Variants in HADHA observed in about 807,000 individuals in gnomAD.
HADHA encodes the protein trifunctional enzyme subunit alpha, mitochondrial.
In HADHA, 59 loss-of-function variants were observed where a neutral mutation model predicts 91.3. The observed-to-expected ratio is 0.65, with a 90% CI of 0.52 to 0.80. The LOEUF (loss-of-function observed/expected upper bound fraction) is 0.80, where lower values mean the gene tolerates loss of function less well. HADHA is among the 30% of genes least tolerant of loss of function. HADHA has a pLI of 0.00. For missense variants in HADHA, 800 were observed against 927.6 expected (o/e 0.86, Z 1.79); for synonymous variants, 320 against 338.9 (o/e 0.94, Z 0.61).
At chr2:26,218,407 C>G (rs538949711) in intron 7 of HADHA, among the ~76,000 whole-genome samples, 1 of 152,032 alleles carries the variant, frequency 6.6e-6, no homozygotes, top group East Asian at 1.9e-4. Flanking sequence ...AAGAACAGAC[C>G]TACACTACAG....
intron 4 of HADHA, among the ~76,000 whole-genome samples, chr2:26,236,359 G>GTATATATA (rs34905439): frequency 3.6e-5 from 5 of 137,872 alleles, no homozygotes; most frequent in African/African-American, 8.1e-5. Context: ...GTGTGTGTGT[G>GTATATATA]TATATATATA....
At chr2:26,226,184 AT>A (rs1670480257) in intron 7 of HADHA, among the ~76,000 whole-genome samples, 1 of 152,250 alleles carries the variant, frequency 6.6e-6, no homozygotes, top group Non-Finnish European at 1.5e-5. Context: ...AAAGACCTAA[AT>A]AAACAGAGAA....
rs72849906 is a variant in HADHA at position 26,229,174 on chromosome 2, T to G, written c.676+1018A>C. ...GGAAAACAGAGTGAGATCTCGTTTCTACAAAAAATAAAAAATTAGCTGGTG... is the reference window on the plus strand; with the variant it reads ...GGAAAACAGAGTGAGATCTCGTTTCGACAAAAAATAAAAAATTAGCTGGTG... On this transcript the variant is annotated intron_variant, in intron 7 of 19. Coordinates refer to ENST00000380649, the MANE Select transcript of HADHA (RefSeq NM_000182.5). This position sits in a 1 kb window ranked among gnomAD's most constrained non-coding sequence, Gnocchi z 4.3. Among the ~76,000 whole-genome samples, 820 of 152,030 alleles carry G rather than the reference T, an allele frequency of 5.4e-3. 6 individuals carry two copies. Among genetic ancestry groups the G allele is most frequent in the African/African-American group, 0.019 (795 of 41,468 alleles).
At chr2:26,203,709 T>C (rs994473916) in intron 12 of HADHA, among the ~76,000 whole-genome samples, 3 of 152,158 alleles carry the variant, frequency 2.0e-5, no homozygotes, top group African/African-American at 4.8e-5. Context: ...AATAGAGCAA[T>C]TACCTGCAAA....
Position 26,193,993 on chromosome 2 carries a change from G to A in HADHA, c.1690-221C>T, listed in dbSNP as rs80138326. Among the ~76,000 whole-genome samples the A allele has an allele frequency of 0.015, 2,335 of 152,272 alleles. 59 individuals are homozygous for A. The highest frequency in any genetic ancestry group is 0.051 in the African/African-American group (2,125 of 41,548). The stretch of plus-strand genomic sequence containing the variant: ...CTCTAATCTACAGCACTTTAAGGAC[G>A]TTTAGAGATGACTAAATTCTTCATT... On this transcript the variant is annotated intron_variant, in intron 16 of 19. Coordinates refer to ENST00000380649, the MANE Select transcript of HADHA (RefSeq NM_000182.5).
intron 10 of HADHA, 47 bp from the exon 11 acceptor site, chr2:26,209,936 G>T: frequency 1.0e-6 from 1 of 969,560 alleles, no homozygotes; most frequent in Non-Finnish European, 1.7e-6. Flanking sequence ...CACAGTCTAG[G>T]TTATATGGAT....
intron 6 of HADHA, among the ~76,000 whole-genome samples, chr2:26,231,166 A>G (rs1381708531): frequency 1.3e-5 from 2 of 152,226 alleles, no homozygotes; most frequent in Non-Finnish European, 2.9e-5. Flanking sequence ...ATGCATATTC[A>G]TTCTTTCAAT....
chr2:26,212,714 T>C lies in HADHA; in HGVS notation c.919-88A>G, dbSNP rs1670132371. On this transcript the variant is annotated intron_variant, in intron 9 of 19. Coordinates refer to ENST00000380649, the MANE Select transcript of HADHA (RefSeq NM_000182.5). ...TGAATAAAATTGCCAGTGTTGTTAG[T>C]CCTCAAAGAGTAAGTCAAAAGTCTA... 5.7e-6 allele frequency: 5 copies of C among 875,482 alleles called. No individual in the cohort carries two copies. The Admixed American group carries it at 6.8e-5, about 12-fold the overall frequency. 54.2% of individuals were successfully genotyped at this position (875,482 alleles called of 1,614,324 possible).
At chr2:26,220,139 G>A (rs1019466350) in intron 7 of HADHA, among the ~76,000 whole-genome samples, 7 of 152,130 alleles carry the variant, frequency 4.6e-5, no homozygotes, top group Non-Finnish European at 8.8e-5. Flanking sequence ...CCCAAACTTC[G>A]CTGTGGTCCA....
intron 11 of HADHA, among the ~76,000 whole-genome samples, chr2:26,205,856 T>C (rs552451469): frequency 1.3e-5 from 2 of 151,318 alleles, no homozygotes; most frequent in South Asian, 4.2e-4. Flanking sequence ...AAGACAACCA[T>C]AGAATGGGAA....
intron 17 of HADHA, 126 bp from the exon 18 acceptor site, chr2:26,192,550 G>A (rs1012620999): frequency 4.2e-6 from 3 of 712,642 alleles, no homozygotes; most frequent in Non-Finnish European, 7.7e-6. Flanking sequence ...ACTTTGGGAG[G>A]CCGAGGCGGA....
intron 19 of HADHA, 40 bp from the exon 20 acceptor site, chr2:26,191,435 A>T: frequency 6.2e-7 from 1 of 1,614,168 alleles, no homozygotes; most frequent in African/African-American, 1.3e-5. Context: ...GAGACGCAAC[A>T]CGGGCTCCAG....
intron 7 of HADHA, among the ~76,000 whole-genome samples, chr2:26,219,983 G>C (rs1429599490): frequency 1.3e-5 from 2 of 152,222 alleles, no homozygotes; most frequent in Non-Finnish European, 2.9e-5. Context: ...AAGGGAAGCT[G>C]TGTCCTCTTG....
chr2:26,195,795 C>T (rs182780809), intron 14 of HADHA, among the ~76,000 whole-genome samples: 81 of 152,270 alleles, frequency 5.3e-4, no homozygotes, highest in African/African-American at 1.5e-3. Context: ...CACCTGGGAG[C>T]GTTAGGCCTG....
rs1169953238 is a variant in HADHA, at chr2:26,191,364, G to A, written c.2178C>T (p.Ala726=). Reference sequence around the variant, plus strand: ...TCTTGAGCCGGTCCACTATCTTCTGGGCGCCATACAGATCCACAAAGCGGA... The same window carrying A: ...TCTTGAGCCGGTCCACTATCTTCTGAGCGCCATACAGATCCACAAAGCGGA... ...GPFRFVDLYG[A]QKIVDRLKKY... The change falls in exon 20 of 20, where the codon GCC becomes GCT. Residue 726 remains alanine, a synonymous_variant. Transcript: ENST00000380649. 1 of 1,614,122 alleles carries A rather than the reference G, an allele frequency of 6.2e-7. No individual in the cohort carries two copies. The highest frequency in any genetic ancestry group is 1.7e-5 in the Admixed American group (1 of 60,016).
At chr2:26,236,420 G>GTGTGTGTGTA (rs553522257) in intron 4 of HADHA, among the ~76,000 whole-genome samples, 199 of 116,526 alleles carry the variant, frequency 1.7e-3, no homozygotes, top group Admixed American at 2.7e-3. Context: ...GTGTGTGTGT[G>GTGTGTGTGTA]TATATACTTT....
At chr2:26,218,224 C>T (rs1670284561) in intron 7 of HADHA, among the ~76,000 whole-genome samples, 2 of 151,082 alleles carry the variant, frequency 1.3e-5, no homozygotes, top group African/African-American at 4.9e-5. Context: ...CATTTGAACC[C>T]GGGAGGTGGA....
chr2:26,201,505 AAGGGAGGGTG>A (rs1484365167), intron 12 of HADHA, among the ~76,000 whole-genome samples, 185 bp from the exon 13 acceptor site: 3 of 152,228 alleles, frequency 2.0e-5, no homozygotes, highest in Non-Finnish European at 4.4e-5. Context: ...ATAGCTTGAT[AAGGGAGGGTG>A]CTAGCATTCA....
chr2:26,229,358 A>ACACACG lies in HADHA; in HGVS notation c.676+833_676+834insCGTGTG, dbSNP rs1670561770. ...AACATGTGTGCGCGCGCACACACAC[A>ACACACG]CACACACACACACACAAAATTAATA... On this transcript the variant is annotated intron_variant, in intron 7 of 19. Coordinates refer to ENST00000380649, the MANE Select transcript of HADHA (RefSeq NM_000182.5). The surrounding 1 kb of genome is among the most constrained non-coding windows in gnomAD (Gnocchi z 4.3). Among the ~76,000 whole-genome samples, 1 of 151,446 alleles carries ACACACG rather than the reference A, an allele frequency of 6.6e-6. No homozygotes were observed. The highest frequency in any genetic ancestry group is 1.5e-5 in the Non-Finnish European group (1 of 67,898).
Sources: gnomAD v4.1 joint callset for allele counts (sites outside exome capture counted in the v4.1 genomes callset) on GRCh38, gnomAD v4.1.1 for gene constraint, Gnocchi (gnomAD v3.1) non-coding constraint, MANE v1.5 for transcripts, NCBI Gene and HGNC (gene_info 2026-07-23, HGNC 2026-07-21) for gene names.